The following NRXN3 variants were observed in gnomAD, a reference collection of about 807,000 sequenced individuals.
NRXN3 encodes the protein neurexin III.
Under a neutral mutation model 137.6 loss-of-function variants are expected in NRXN3, and 32 were observed. The ratio of observed to expected loss-of-function variants is 0.23; its 90% CI spans 0.18 to 0.31. The LOEUF (loss-of-function observed/expected upper bound fraction) is 0.31, where lower values mean the gene tolerates loss of function less well. Among genes scored for constraint, NRXN3 ranks in the 10% least tolerant of loss-of-function variants. NRXN3 has a pLI of 1.00. For synonymous variants in NRXN3, 798 were observed against 784.5 expected (o/e 1.02, Z -0.29); for missense variants, 1,574 against 2,062.5 (o/e 0.76, Z 4.59).
At chr14:78,482,791 A>G (rs1171438780) in intron 4 of NRXN3, among the ~76,000 whole-genome samples, 1 of 152,226 alleles carries the variant, frequency 6.6e-6, no homozygotes, top group Non-Finnish European at 1.5e-5. Flanking sequence ...TTAAAGGCAC[A>G]GGTGTCAGAA....
chr14:78,311,791 C>G (rs575389667), intron 4 of NRXN3, among the ~76,000 whole-genome samples: 353 of 151,992 alleles, frequency 2.3e-3, no homozygotes, highest in African/African-American at 6.9e-3. Flanking sequence ...CTTGATGGAA[C>G]TATAGGAGCC....
intron 16 of NRXN3, among the ~76,000 whole-genome samples, chr14:79,604,150 C>A (rs1469477389): frequency 6.6e-6 from 1 of 152,004 alleles, no homozygotes; most frequent in Non-Finnish European, 1.5e-5. Context: ...CTCGGCCTCC[C>A]AAGGTGCTGG....
At chr14:78,936,179 A>G (rs568675531) in intron 10 of NRXN3, among the ~76,000 whole-genome samples, 6 of 152,234 alleles carry the variant, frequency 3.9e-5, no homozygotes, top group Admixed American at 6.5e-5. Flanking sequence ...AATGTACACA[A>G]ACACACCCAC....
Position 79,268,410 on chromosome 14 carries a change from T to C in NRXN3, c.3263-198811T>C, listed in dbSNP as rs183474056. On this transcript the variant is annotated intron_variant, in intron 15 of 20. Coordinates refer to ENST00000335750, the MANE Select transcript of NRXN3 (RefSeq NM_001330195.2). The stretch of plus-strand genomic sequence containing the variant: ...TAGTTAGAATATTTGTTTGACAGTA[T>C]GGTAGTTCTGCTTCTCTAGGTCACC... Among the ~76,000 whole-genome samples the C allele has an allele frequency of 1.5e-3, 227 of 152,336 alleles. 2 individuals are homozygous for C. Among genetic ancestry groups the C allele is most frequent in the African/African-American group, 5.1e-3 (210 of 41,576 alleles).
At chr14:78,347,426 GT>G (rs767434971) in intron 4 of NRXN3, among the ~76,000 whole-genome samples, 11 of 152,288 alleles carry the variant, frequency 7.2e-5, no homozygotes, top group Non-Finnish European at 1.5e-4. Context: ...CCCACGGAGT[GT>G]TTTACCAAGC....
rs114280446 is a variant in NRXN3 at position 79,711,978 on chromosome 14, C to T, written c.4014+14041C>T. 3.5e-3 allele frequency among the ~76,000 whole-genome samples: 528 copies of T among 152,262 alleles called. 6 individuals are homozygous for T. Among genetic ancestry groups the T allele is most frequent in the African/African-American group, 0.012 (512 of 41,562 alleles). ...TCTATTGCATGAATGTTCACCTCCC[C>T]CTTCTGCCCAGACTCTGATGTCACT... On this transcript the variant is annotated intron_variant, in intron 19 of 20. Coordinates refer to ENST00000335750, the MANE Select transcript of NRXN3 (RefSeq NM_001330195.2).
intron 17 of NRXN3, among the ~76,000 whole-genome samples, chr14:79,667,797 GA>G (rs1660825672): frequency 1.3e-5 from 2 of 151,918 alleles, no homozygotes; most frequent in Admixed American, 6.6e-5. Flanking sequence ...AGGAACAAGG[GA>G]GGGGGGGTGA....
At chr14:79,199,554 G>A (rs570276401) in intron 15 of NRXN3, among the ~76,000 whole-genome samples, 18 of 152,252 alleles carry the variant, frequency 1.2e-4, no homozygotes, top group Admixed American at 5.9e-4. Context: ...ATTGAAAGTC[G>A]AAAAAAGTTA....
At chr14:78,576,595 A>G (rs2096938214) in intron 4 of NRXN3, among the ~76,000 whole-genome samples, 1 of 152,064 alleles carries the variant, frequency 6.6e-6, no homozygotes, top group African/African-American at 2.4e-5. Flanking sequence ...GCCCTAGCCT[A>G]TTCTCATGTC....
intron 15 of NRXN3, among the ~76,000 whole-genome samples, chr14:79,288,747 A>G (rs1244350264): frequency 6.6e-6 from 1 of 152,238 alleles, no homozygotes; most frequent in Non-Finnish European, 1.5e-5. Flanking sequence ...ACTTTGATTA[A>G]TGCAGCTAAC....
At chr14:79,569,798 C>T (rs935229262) in intron 16 of NRXN3, among the ~76,000 whole-genome samples, 12 of 151,896 alleles carry the variant, frequency 7.9e-5, no homozygotes, top group Non-Finnish European at 1.3e-4. Flanking sequence ...TTGTAGAGAC[C>T]GGGTTTTGCC....
intron 15 of NRXN3, among the ~76,000 whole-genome samples, chr14:79,329,843 GTT>G (rs11338173): frequency 5.8e-4 from 83 of 142,936 alleles, no homozygotes; most frequent in East Asian, 1.4e-3. Flanking sequence ...GATCAAAAGA[GTT>G]TTTTTTTTTT....
chr14:79,613,538 C>T (rs2098125430), intron 16 of NRXN3, among the ~76,000 whole-genome samples: 1 of 152,176 alleles, frequency 6.6e-6, no homozygotes, highest in Non-Finnish European at 1.5e-5. Flanking sequence ...AGATAACTCA[C>T]ATTAGCATTA....
intron 15 of NRXN3, among the ~76,000 whole-genome samples, chr14:79,131,054 A>G (rs1019330496): frequency 6.6e-6 from 1 of 152,058 alleles, no homozygotes; most frequent in African/African-American, 2.4e-5. Flanking sequence ...ACTTCTCTGT[A>G]ATGGTTATTC....
intron 16 of NRXN3, among the ~76,000 whole-genome samples, chr14:79,498,924 A>G (rs2096792817): frequency 6.6e-6 from 1 of 152,188 alleles, no homozygotes. Context: ...AGTTGGGACT[A>G]CAGGCACACA....
intron 15 of NRXN3, among the ~76,000 whole-genome samples, chr14:79,096,000 T>G (rs2050253257): frequency 6.6e-6 from 1 of 152,170 alleles, no homozygotes; most frequent in Admixed American, 6.5e-5. Context: ...GTCTCCCAGT[T>G]GTGATATTCC....
chr14:78,329,249 C>T (rs776986062), intron 4 of NRXN3, among the ~76,000 whole-genome samples: 1 of 152,140 alleles, frequency 6.6e-6, no homozygotes, highest in Non-Finnish European at 1.5e-5. Flanking sequence ...TAAAATCCCA[C>T]TTGCTGTTTC....
Position 79,819,482 on chromosome 14 carries a change from CTTTTTTT to C in NRXN3, c.4093+14306_4093+14312del. Among the ~76,000 whole-genome samples the C allele has an allele frequency of 4.2e-5, 3 of 71,924 alleles. No individual in the cohort carries two copies. The South Asian group carries it at 2.1e-3, about 50-fold the overall frequency. 47.2% of individuals were successfully genotyped at this position (71,924 alleles called of 152,430 possible). On this transcript the variant is annotated intron_variant, in intron 20 of 20. Transcript: ENST00000335750. ...ATAGGATACAACAGGACATTAAAAG[CTTTTTTT>C]TTTTTTTTTTTTTGAGACGGAGTCT...
chr14:79,782,793 A>G (rs2099117913), intron 19 of NRXN3, among the ~76,000 whole-genome samples: 1 of 152,202 alleles, frequency 6.6e-6, no homozygotes, highest in Non-Finnish European at 1.5e-5. Context: ...GGAGAAACCC[A>G]TAGGGTGGAA....
Sources: gnomAD v4.1 joint callset for allele counts (sites outside exome capture counted in the v4.1 genomes callset) on GRCh38, gnomAD v4.1.1 for gene constraint, MANE v1.5 for transcripts, NCBI Gene and HGNC (gene_info 2026-07-23, HGNC 2026-07-21) for gene names.